NFASC: variants seen among roughly 807,000 people sequenced by gnomAD.
The protein encoded by NFASC is neurofascin.
NFASC carries 43 observed loss-of-function variants against 147.5 expected under a neutral mutation model. The observed-to-expected ratio is 0.29, with a 90% CI of 0.23 to 0.38. The LOEUF is 0.38. Ranked by LOEUF, NFASC falls within the 10% of genes least tolerant of loss-of-function variation. NFASC has a pLI of 1.00. For synonymous variants in NFASC, 622 were observed against 665.5 expected, an observed-to-expected ratio of 0.93 and a Z score of 1.01; for missense variants, 1,320 against 1,689.0, an observed-to-expected ratio of 0.78 and a Z score of 3.83.
At chr1:204,951,914 T>C in intron 4 of NFASC, 97 bp from the exon 5 acceptor site, 2 of 922,030 alleles carry the variant, frequency 2.2e-6, no homozygotes, top group South Asian at 1.5e-5. Context: ...CCTGCTTGCA[T>C]GTGTGGCTTC....
chr1:204,942,077 C>T (rs896766055), intron 2 of NFASC, among the ~76,000 whole-genome samples: 2 of 152,086 alleles, frequency 1.3e-5, no homozygotes, highest in Non-Finnish European at 2.9e-5. Context: ...GTACTATGGT[C>T]GATTCTAAGA....
At chr1:204,914,268 A>G (rs1240809339) in intron 1 of NFASC, among the ~76,000 whole-genome samples, 1 of 152,210 alleles carries the variant, frequency 6.6e-6, no homozygotes, top group East Asian at 1.9e-4. Flanking sequence ...TGTAGTTCCC[A>G]TAATCCCCAT....
At chr1:205,012,939 G>A in intron 29 of NFASC, 73 bp downstream of exon 29, 1 of 1,088,980 alleles carries the variant, frequency 9.2e-7, no homozygotes, top group Non-Finnish European at 1.4e-6. Context: ...TCCCCTCAGA[G>A]TAGCTCCGCT....
chr1:204,946,051 C>T, intron 3 of NFASC, among the ~76,000 whole-genome samples: 1 of 152,050 alleles, frequency 6.6e-6, no homozygotes, highest in East Asian at 1.9e-4. Context: ...CAGCAGACAC[C>T]CCAAGCAGTC....
chr1:204,880,983 T>A (rs1285075219), intron 1 of NFASC, among the ~76,000 whole-genome samples: 1 of 152,222 alleles, frequency 6.6e-6, no homozygotes. Context: ...CTTTTCAGAA[T>A]AAGCGAAGAG....
In NFASC at chr1:204,954,384, A is replaced by C. The variant is rs779833448; in HGVS notation, c.412A>C (p.Lys138Gln). The C allele has an allele frequency of 3.7e-6, 6 of 1,613,546 alleles. No homozygotes were observed. The highest frequency in any genetic ancestry group is 5.1e-6 in the Non-Finnish European group (6 of 1,179,770). The change falls in exon 6 of 30, where the codon AAA becomes CAA. Residue 138 changes from lysine (K) to glutamine (Q), a missense_variant and splice_region_variant. Lys to Gln is a moderately conservative substitution (Grantham distance 53). This residue lies in a region of NFASC where 981 missense variants were observed against 1,289.5 expected (regional missense o/e 0.76). Transcript: ENST00000339876. The surrounding 1 kb of genome is among the most constrained non-coding windows in gnomAD (Gnocchi z 5.7). Reference protein sequence around the residue: ...LSNRIRLQVSKSPLWPKENLD... With the variant: ...LSNRIRLQVSQSPLWPKENLD... ...CAATAGGATCCGCCTGCAGGTGTCT[A>C]GTGAGTAGCGTGGGGCAGGGCTGAA...
chr1:204,836,291 G>A (rs2102417089), intron 1 of NFASC, among the ~76,000 whole-genome samples: 1 of 152,224 alleles, frequency 6.6e-6, no homozygotes, highest in South Asian at 2.1e-4. Flanking sequence ...GTTCAAAGGT[G>A]GAAGAATCTC....
intron 24 of NFASC, among the ~76,000 whole-genome samples, chr1:204,996,176 C>A (rs2095842634): frequency 6.6e-6 from 1 of 152,176 alleles, no homozygotes; most frequent in South Asian, 2.1e-4. Flanking sequence ...CCCTCCCAAG[C>A]TGACCAACAT....
At chr1:204,829,700 TG>T (rs1342168101) in intron 1 of NFASC, among the ~76,000 whole-genome samples, 1 of 151,896 alleles carries the variant, frequency 6.6e-6, no homozygotes, top group African/African-American at 2.4e-5. Context: ...GAAACTAGGA[TG>T]GGGAAGGGGC....
At chr1:204,887,055 A>ATG (rs2148969417) in intron 1 of NFASC, among the ~76,000 whole-genome samples, 1 of 152,306 alleles carries the variant, frequency 6.6e-6, no homozygotes, top group East Asian at 1.9e-4. Context: ...TATTAAGTAC[A>ATG]TGTATGTTGC....
At chr1:204,976,930 G>C (rs1558334239) in intron 16 of NFASC, 135 bp downstream of exon 16, 2 of 1,444,614 alleles carry the variant, frequency 1.4e-6, no homozygotes, top group Non-Finnish European at 9.1e-7. Context: ...ATCTCTTCTT[G>C]CCTCGTGATG....
chr1:204,875,945 A>G (rs553754318), intron 1 of NFASC, among the ~76,000 whole-genome samples: 77 of 152,328 alleles, frequency 5.1e-4, no homozygotes, highest in Non-Finnish European at 9.4e-4. Flanking sequence ...GAAAAGTGGA[A>G]GGAGGAGGGG....
intron 1 of NFASC, chr1:204,871,095 C>A (rs2103001043): frequency 7.8e-7 from 1 of 1,289,736 alleles, no homozygotes; most frequent in South Asian, 1.2e-5. Context: ...TCTGCCCTCC[C>A]TCTTGGCCTC....
chr1:204,947,992 A>G (rs2093884576), intron 3 of NFASC, among the ~76,000 whole-genome samples: 1 of 152,078 alleles, frequency 6.6e-6, no homozygotes, highest in African/African-American at 2.4e-5. Flanking sequence ...GCCCTCACAT[A>G]CCCATATGTG....
chr1:204,957,866 A>AAG, intron 8 of NFASC, 40 bp downstream of exon 8: 1 of 1,600,418 alleles, frequency 6.2e-7, no homozygotes, highest in African/African-American at 1.3e-5. Context: ...GGGCCAAAGA[A>AAG]AGAAGCCCAC....
At chr1:204,847,194 T>TAGC (rs1232288522) in intron 1 of NFASC, among the ~76,000 whole-genome samples, 3 of 152,138 alleles carry the variant, frequency 2.0e-5, no homozygotes, top group Non-Finnish European at 4.4e-5. Context: ...GCTATTGTCA[T>TAGC]AGCAGCAGCA....
rs114833951 is a variant in NFASC, at chr1:204,917,238, A to G, written c.-199-3394A>G. ...TCTCCTAAATAATAATAATATCTAC[A>G]TCATGTCATACTGGATTACTGTTAG... On this transcript the variant is annotated intron_variant, in intron 1 of 29. Coordinates refer to ENST00000339876, the MANE Select transcript of NFASC (RefSeq NM_001005388.3). 7.1e-3 allele frequency among the ~76,000 whole-genome samples: 1,075 copies of G among 152,240 alleles called. 10 individuals carry two copies. Among genetic ancestry groups the G allele is most frequent in the African/African-American group, 0.025 (1,019 of 41,530 alleles).
intron 1 of NFASC, among the ~76,000 whole-genome samples, chr1:204,913,405 A>G (rs4381257): frequency 0.43 from 66,048 of 151,982 alleles, 14,773 homozygotes; most frequent in Admixed American, 0.55. Flanking sequence ...TTTAAAGACT[A>G]TAAACTCGAT....
rs759681512 is a variant in NFASC, at chr1:204,973,396, C to T, written c.1256C>T (p.Ala419Val). Residue 419 changes from alanine (A) to valine (V), a missense_variant, in exon 12 of 30, where the codon GCC becomes GTC. By Grantham distance (64) the Ala-to-Val change is moderately conservative. This residue lies in a region of NFASC where 981 missense variants were observed against 1,289.5 expected (regional missense o/e 0.76). Transcript: ENST00000339876. ...NTSNEHGYLL[A>V]NAFVSVLDVP... ...TCCAACGAGCATGGCTACCTGCTGG[C>T]CAACGCCTTTGTCAGTGTGCTGGGT... is the stretch of plus-strand genomic sequence containing the variant. 6.2e-7 allele frequency: 1 copy of T among 1,614,252 alleles called. No homozygotes were observed. Among genetic ancestry groups the T allele is most frequent in the Non-Finnish European group, 8.5e-7 (1 of 1,180,044 alleles).
Sources: gnomAD v4.1 joint callset for allele counts (sites outside exome capture counted in the v4.1 genomes callset) on GRCh38, gnomAD v4.1.1 for gene constraint, gnomAD v4.1.1 regional missense constraint, Gnocchi (gnomAD v3.1) non-coding constraint, MANE v1.5 for transcripts, NCBI Gene and HGNC (gene_info 2026-07-23, HGNC 2026-07-21) for gene names.